Variants in CCDC66 observed in about 807,000 individuals in gnomAD.
CCDC66 encodes coiled-coil domain containing 66.
Under a neutral mutation model 128.3 loss-of-function variants are expected in CCDC66, and 133 were observed. The ratio of observed to expected loss-of-function variants is 1.04; its 90% CI spans 0.90 to 1.20. The LOEUF (loss-of-function observed/expected upper bound fraction) is 1.20. Among genes scored for constraint, CCDC66 ranks in the 50% most tolerant of loss-of-function variants. CCDC66 has a pLI of 0.00. For synonymous variants in CCDC66, 387 were observed against 357.0 expected (o/e 1.08, Z -0.95); for missense variants, 1,126 against 1,075.5 (o/e 1.05, Z -0.66).
intron 13 of CCDC66, 175 bp from the exon 14 acceptor site, chr3:56,616,937 C>T: frequency 2.2e-6 from 1 of 453,738 alleles, no homozygotes; most frequent in Non-Finnish European, 3.8e-6. Context: ...TGGTGGCTGC[C>T]AGTGGTTGGG....
intron 6 of CCDC66, among the ~76,000 whole-genome samples, chr3:56,569,147 G>A (rs2066281200): frequency 6.6e-6 from 1 of 152,190 alleles, no homozygotes. Context: ...ACATCAGCCT[G>A]CTGGAGCAAC....
At chr3:56,580,416 G>A (rs1559654130) in intron 7 of CCDC66, among the ~76,000 whole-genome samples, 1 of 151,790 alleles carries the variant, frequency 6.6e-6, no homozygotes, top group African/African-American at 2.4e-5. Flanking sequence ...AACATGTAAG[G>A]TTAATATTGT....
At chr3:56,582,420 G>T (rs545010781) in intron 7 of CCDC66, among the ~76,000 whole-genome samples, 1 of 151,880 alleles carries the variant, frequency 6.6e-6, no homozygotes, top group Non-Finnish European at 1.5e-5. Context: ...ACAATCCCCA[G>T]TGAGATGAAC....
At chr3:56,619,704 A>AATATT in intron 16 of CCDC66, 73 bp from the exon 17 acceptor site, 2 of 1,548,110 alleles carry the variant, frequency 1.3e-6, no homozygotes, top group Middle Eastern at 3.5e-4. Context: ...GACTCCTGAC[A>AATATT]ATATTATATA....
chr3:56,608,454 G>A (rs2074361777), intron 10 of CCDC66, among the ~76,000 whole-genome samples: 1 of 152,128 alleles, frequency 6.6e-6, no homozygotes, highest in African/African-American at 2.4e-5. Flanking sequence ...TTGTATTTCA[G>A]TGGTGTCAGT....
chr3:56,613,482 CCT>C (rs1297064565), intron 10 of CCDC66, 105 bp from the exon 11 acceptor site: 23 of 1,300,678 alleles, frequency 1.8e-5, no homozygotes, highest in South Asian at 6.1e-5. Flanking sequence ...TTTTGGTTCC[CCT>C]CTGTGGAAGA....
chr3:56,610,513 T>G (rs2074645043), intron 10 of CCDC66, among the ~76,000 whole-genome samples: 3 of 152,238 alleles, frequency 2.0e-5, no homozygotes, highest in Admixed American at 6.5e-5. Context: ...GGCTTCGCCT[T>G]TCTCTGGTCC....
intron 7 of CCDC66, among the ~76,000 whole-genome samples, chr3:56,585,556 A>G (rs1037722459): frequency 1.3e-5 from 2 of 151,870 alleles, no homozygotes; most frequent in Non-Finnish European, 2.9e-5. Context: ...GGTTGAATGA[A>G]AAGAGGGCCA....
intron 14 of CCDC66, chr3:56,617,828 C>G: frequency 1.7e-6 from 1 of 591,166 alleles, no homozygotes; most frequent in Non-Finnish European, 2.9e-6. Flanking sequence ...TGACTTCACA[C>G]ACCAGACTAG....
intron 10 of CCDC66, among the ~76,000 whole-genome samples, chr3:56,596,309 A>G (rs983293546): frequency 2.0e-5 from 3 of 152,162 alleles, no homozygotes; most frequent in Admixed American, 6.6e-5. Flanking sequence ...AGTAATGTTG[A>G]GCATTTTTTC....
chr3:56,567,592 C>A (rs2066035873), intron 6 of CCDC66, among the ~76,000 whole-genome samples: 1 of 152,112 alleles, frequency 6.6e-6, no homozygotes. Context: ...CACTTGTCCA[C>A]CATGTTGAGG....
At chr3:56,579,116 T>G (rs1415447209) in intron 7 of CCDC66, among the ~76,000 whole-genome samples, 1 of 151,218 alleles carries the variant, frequency 6.6e-6, no homozygotes, top group Non-Finnish European at 1.5e-5. Flanking sequence ...CAGGGATTCA[T>G]CTTCCTGGTT....
At chr3:56,575,788 T>A (rs1357906254) in intron 7 of CCDC66, among the ~76,000 whole-genome samples, 1 of 151,860 alleles carries the variant, frequency 6.6e-6, no homozygotes, top group Non-Finnish European at 1.5e-5. Flanking sequence ...CTTTATTCTT[T>A]TGCATGTGGA....
intron 7 of CCDC66, among the ~76,000 whole-genome samples, chr3:56,573,236 T>G (rs1347758246): frequency 6.6e-6 from 1 of 152,210 alleles, no homozygotes; most frequent in Non-Finnish European, 1.5e-5. Flanking sequence ...AGGTGACATT[T>G]AGGTTTTAAA....
chr3:56,621,390 A>G (rs773591992), intron 17 of CCDC66, 142 bp from the exon 18 acceptor site: 3 of 526,868 alleles, frequency 5.7e-6, no homozygotes, highest in Non-Finnish European at 1.0e-5. Context: ...GGTCTAGTAC[A>G]AGCATTTCTG....
chr3:56,608,219 C>G (rs2074330704), intron 10 of CCDC66, among the ~76,000 whole-genome samples: 2 of 151,950 alleles, frequency 1.3e-5, no homozygotes, highest in Non-Finnish European at 2.9e-5. Context: ...TACCAATTAC[C>G]TGAATGTCTG....
intron 7 of CCDC66, among the ~76,000 whole-genome samples, chr3:56,588,640 G>T (rs2070278670): frequency 6.6e-6 from 1 of 152,056 alleles, no homozygotes; most frequent in Admixed American, 6.6e-5. Flanking sequence ...CTCCCACCAG[G>T]CCCTACCTCC....
intron 10 of CCDC66, among the ~76,000 whole-genome samples, chr3:56,608,503 G>A (rs921833901): frequency 2.6e-5 from 4 of 152,072 alleles, no homozygotes; most frequent in African/African-American, 9.7e-5. Context: ...GAGGTGTTTG[G>A]ATTTTCTCTG....
chr3:56,581,874 G>T (rs2068447165), intron 7 of CCDC66, among the ~76,000 whole-genome samples: 1 of 151,826 alleles, frequency 6.6e-6, no homozygotes, highest in Non-Finnish European at 1.5e-5. Context: ...GGACCCACAT[G>T]AGGAGGCAGT....
Sources: allele counts gnomAD v4.1 joint callset (sites outside exome capture counted in the v4.1 genomes callset), GRCh38; gene constraint gnomAD v4.1.1; transcripts MANE v1.5; gene names NCBI Gene and HGNC (gene_info 2026-07-23, HGNC 2026-07-21).